Variants in RUSC2 observed in about 807,000 individuals in gnomAD.
The protein encoded by RUSC2 is AP-4 complex accessory subunit RUSC2.
RUSC2 carries 34 observed loss-of-function variants against 122.2 expected under a neutral mutation model. The observed-to-expected ratio is 0.28, with a 90% CI of 0.21 to 0.37. The LOEUF is 0.37. Ranked by LOEUF, RUSC2 falls within the 10% of genes least tolerant of loss-of-function variation. The pLI is 1.00. For synonymous variants in RUSC2, 784 were observed against 790.0 expected (o/e 0.99, Z 0.13); for missense variants, 1,747 against 1,952.4 (o/e 0.89, Z 1.98).
At position 35,561,558 on chromosome 9, in the gene RUSC2, A is replaced by T. The variant is rs1822177787; in HGVS notation, c.*176A>T. 8 of 614,848 alleles carry T rather than the reference A, an allele frequency of 1.3e-5. No individual in the cohort carries two copies. Among genetic ancestry groups the T allele is most frequent in the Non-Finnish European group, 2.0e-5 (7 of 351,184 alleles). The allele number at this position is 614,848 out of a possible 1,614,324, so 38.1% of individuals were successfully genotyped here. ...TTAATTACGCCCCCTTAACTGTCCCAGTGACCTTGTCCAGACCTCCACCCA... is the reference window on the plus strand; with the variant it reads ...TTAATTACGCCCCCTTAACTGTCCCTGTGACCTTGTCCAGACCTCCACCCA... On this transcript the variant is annotated 3_prime_UTR_variant, in exon 12 of 12. Transcript: ENST00000361226.
chr9:35,502,844 T>C (rs1564243925), intron 1 of RUSC2, among the ~76,000 whole-genome samples: 1 of 152,014 alleles, frequency 6.6e-6, no homozygotes, highest in Non-Finnish European at 1.5e-5. Flanking sequence ...CTTAGATAAG[T>C]TTTTTTGTTT....
At chr9:35,552,180 GA>G (rs1171933312) in intron 2 of RUSC2, among the ~76,000 whole-genome samples, 1 of 151,984 alleles carries the variant, frequency 6.6e-6, no homozygotes. Context: ...GGCCAACATG[GA>G]GAAACCCCAT....
chr9:35,496,341 A>G (rs2132487937), intron 1 of RUSC2, among the ~76,000 whole-genome samples: 1 of 152,268 alleles, frequency 6.6e-6, no homozygotes, highest in East Asian at 1.9e-4. Context: ...GCCATAAATA[A>G]CAGGTTCATC....
chr9:35,516,911 A>G (rs1415878936), intron 1 of RUSC2, among the ~76,000 whole-genome samples: 1 of 152,244 alleles, frequency 6.6e-6, no homozygotes, highest in East Asian at 1.9e-4. Context: ...AATTTCAAAT[A>G]TTCTCACCAA....
intron 1 of RUSC2, among the ~76,000 whole-genome samples, chr9:35,535,078 C>T (rs921865006): frequency 6.6e-6 from 1 of 151,608 alleles, no homozygotes; most frequent in Non-Finnish European, 1.5e-5. Context: ...GAATGTGTTG[C>T]CTAACCCTAG....
chr9:35,544,469 A>G (rs985875842), intron 1 of RUSC2, among the ~76,000 whole-genome samples: 8 of 151,952 alleles, frequency 5.3e-5, no homozygotes, highest in African/African-American at 1.9e-4. Context: ...TACCACGCCC[A>G]GCTAATTTTT....
chr9:35,555,821 C>G lies in RUSC2; in HGVS notation c.2656+120C>G. The G allele has an allele frequency of 6.9e-7, 1 of 1,458,208 alleles. No individual in the cohort carries two copies. Among genetic ancestry groups the G allele is most frequent in the Non-Finnish European group, 9.2e-7 (1 of 1,081,796 alleles). The allele number at this position is 1,458,208 out of a possible 1,614,324, so 90.3% of individuals were successfully genotyped here. On this transcript the variant is annotated intron_variant, in intron 3 of 11. Transcript: ENST00000361226. The surrounding 1 kb of genome is among the most constrained non-coding windows in gnomAD (Gnocchi z 4.6). Reference sequence around the variant, plus strand: ...GCCAGAGGTTAGGATGTCTGCATCCCTCCCTCAGCATCTGTAGATAATATC... The same window carrying G: ...GCCAGAGGTTAGGATGTCTGCATCCGTCCCTCAGCATCTGTAGATAATATC...
chr9:35,526,515 C>G (rs138027525), intron 1 of RUSC2, among the ~76,000 whole-genome samples: 2,455 of 152,242 alleles, frequency 0.016, 68 homozygotes, highest in South Asian at 0.11. Context: ...CATCACCATT[C>G]TACAGGAAAT....
At chr9:35,508,770 A>G (rs1341812859) in intron 1 of RUSC2, among the ~76,000 whole-genome samples, 1 of 152,188 alleles carries the variant, frequency 6.6e-6, no homozygotes, top group Non-Finnish European at 1.5e-5. Context: ...TGGAGCCACT[A>G]CAGCTTCTCA....
intron 1 of RUSC2, among the ~76,000 whole-genome samples, chr9:35,525,093 G>A (rs2132522685): frequency 6.6e-6 from 1 of 152,332 alleles, no homozygotes; most frequent in South Asian, 2.1e-4. Flanking sequence ...TGGTGGGCAG[G>A]TGGAACAGGC....
chr9:35,561,318 T>C lies in RUSC2; in HGVS notation c.4487T>C (p.Val1496Ala), dbSNP rs549910440. The C allele has an allele frequency of 2.0e-5, 33 of 1,614,110 alleles. No homozygotes were observed. The South Asian group carries it at 3.3e-4, about 16-fold the overall frequency. ...RCSRGPDSGL[V>A]PLAYVTLTPT... is the part of the protein sequence containing the mutation. ...AGCCGTGGCCCCGACTCTGGCCTGG[T>C]GCCCCTGGCCTACGTGACATTGACC... The change falls in exon 12 of 12, where the codon GTG becomes GCG. Residue 1496 changes from valine (V) to alanine (A), a missense_variant. Coordinates refer to ENST00000361226, the MANE Select transcript of RUSC2 (RefSeq NM_014806.5).
chr9:35,544,186 T>C (rs1000147863), intron 1 of RUSC2, among the ~76,000 whole-genome samples: 7 of 152,222 alleles, frequency 4.6e-5, no homozygotes, highest in Admixed American at 2.0e-4. Context: ...ATTGTGATTT[T>C]TATTACTCTA....
In RUSC2 at chr9:35,546,613, G is replaced by A; in HGVS notation, c.92G>A (p.Gly31Glu). 1 of 1,557,354 alleles carries A rather than the reference G, an allele frequency of 6.4e-7. No individual in the cohort carries two copies. Among genetic ancestry groups the A allele is most frequent in the South Asian group, 1.2e-5 (1 of 80,180 alleles). The change falls in exon 2 of 12, where the codon GGA becomes GAA. Residue 31 changes from glycine (G) to glutamate (E), a missense_variant. Coordinates refer to ENST00000361226, the MANE Select transcript of RUSC2 (RefSeq NM_014806.5). This position sits in a 1 kb window ranked among gnomAD's most constrained non-coding sequence, Gnocchi z 4.3. Reference protein sequence around the residue: ...HCQVPDRQCCGGAGGGGGSTR... With the variant: ...HCQVPDRQCCEGAGGGGGSTR... ...CAAGTCCCAGACAGGCAGTGCTGTG[G>A]AGGGGCAGGTGGAGGTGGTGGGAGC...
chr9:35,539,863 A>G (rs1027735384), intron 1 of RUSC2, among the ~76,000 whole-genome samples: 1 of 152,218 alleles, frequency 6.6e-6, no homozygotes, highest in African/African-American at 2.4e-5. Flanking sequence ...GAAAAGCGTT[A>G]TCAGTCCTAC....
intron 1 of RUSC2, among the ~76,000 whole-genome samples, chr9:35,508,629 C>T (rs1437594247): frequency 1.3e-5 from 2 of 152,166 alleles, no homozygotes; most frequent in East Asian, 1.9e-4. Context: ...CCAAATAAAC[C>T]TATATTCCAA....
chr9:35,558,672 G>A lies in RUSC2; in HGVS notation c.3341+105G>A. On this transcript the variant is annotated intron_variant, in intron 8 of 11. Coordinates refer to ENST00000361226, the MANE Select transcript of RUSC2 (RefSeq NM_014806.5). This position sits in a 1 kb window ranked among gnomAD's most constrained non-coding sequence, Gnocchi z 4.3. ...AACGCCCTGGACAGACAGAAAGGGT[G>A]GATCTGGAGGGTCCCCTCAGCCCGC... 1.1e-6 allele frequency: 1 copy of A among 939,818 alleles called. No individual in the cohort carries two copies. Among genetic ancestry groups the A allele is most frequent in the Non-Finnish European group, 1.7e-6 (1 of 587,316 alleles). The allele number at this position is 939,818 out of a possible 1,614,324, so 58.2% of individuals were successfully genotyped here.
intron 1 of RUSC2, among the ~76,000 whole-genome samples, chr9:35,490,778 A>G (rs1820551084): frequency 6.6e-6 from 1 of 152,022 alleles, no homozygotes; most frequent in Non-Finnish European, 1.5e-5. Context: ...ACCGTCCCCT[A>G]CTACTGCACT....
intron 1 of RUSC2, among the ~76,000 whole-genome samples, chr9:35,516,681 A>G (rs1821115268): frequency 6.6e-6 from 1 of 152,204 alleles, no homozygotes; most frequent in Non-Finnish European, 1.5e-5. Context: ...GCCTCTGAGA[A>G]CCGTGTCAGC....
rs1203835348 is a variant in RUSC2, at chr9:35,557,370, A to G, written c.2984-544A>G. 1.3e-5 allele frequency among the ~76,000 whole-genome samples: 2 copies of G among 152,156 alleles called. No homozygotes were observed. The highest frequency in any genetic ancestry group is 1.9e-4 in the East Asian group (1 of 5,192). On this transcript the variant is annotated intron_variant, in intron 5 of 11. Transcript: ENST00000361226. This position sits in a 1 kb window ranked among gnomAD's most constrained non-coding sequence, Gnocchi z 4.6. ...GTGGGCAGGGGAGTGAGGGGTGTAC[A>G]TATGAGATTGTTATGGATTTTGGAG...
Sources: allele counts gnomAD v4.1 joint callset (sites outside exome capture counted in the v4.1 genomes callset), GRCh38; gene constraint gnomAD v4.1.1; non-coding constraint Gnocchi (gnomAD v3.1); transcripts MANE v1.5; gene names NCBI Gene and HGNC (gene_info 2026-07-23, HGNC 2026-07-21).